DNAJC10: variants seen among roughly 807,000 people sequenced by gnomAD.
DNAJC10 encodes the protein endoplasmic reticulum disulfide reductase DNAJC10.
DNAJC10 carries 101 observed loss-of-function variants against 115.0 expected under a neutral mutation model. That is an observed-to-expected ratio of 0.88 (90% confidence interval 0.75 to 1.04). The LOEUF (loss-of-function observed/expected upper bound fraction) is 1.04. DNAJC10 is among the 50% of genes least tolerant of loss of function. The pLI is 0.00. For synonymous variants in DNAJC10, 307 were observed against 301.5 expected (o/e 1.02, Z -0.19); for missense variants, 981 against 928.8 (o/e 1.06, Z -0.73).
rs1475431107 is a variant in DNAJC10, at chr2:182,777,290, G to C, written c.*158G>C. On this transcript the variant is annotated 3_prime_UTR_variant, in exon 24 of 24. Transcript: ENST00000264065. ...TATCTACAGCACTGGTGTAAAAGAAGGGTCTGCAAACTTTTTCTGTAAAGG... is the reference window on the plus strand; with the variant it reads ...TATCTACAGCACTGGTGTAAAAGAACGGTCTGCAAACTTTTTCTGTAAAGG... The C allele has an allele frequency of 4.5e-6, 2 of 445,862 alleles. No homozygotes were observed. Among genetic ancestry groups the C allele is most frequent in the African/African-American group, 4.1e-5 (2 of 49,244 alleles). 27.6% of individuals were successfully genotyped at this position (445,862 alleles called of 1,614,324 possible). A position where few individuals can be genotyped will look rare whatever the true frequency, so the allele number is the denominator to read the frequency against.
chr2:182,755,408 G>C (rs542494912), intron 17 of DNAJC10, among the ~76,000 whole-genome samples: 3 of 145,638 alleles, frequency 2.1e-5, no homozygotes, highest in Non-Finnish European at 4.5e-5. Context: ...TGTTTTCTCT[G>C]AAAACAAGTG....
chr2:182,729,686 C>T, intron 7 of DNAJC10, 162 bp from the exon 8 acceptor site: 1 of 456,786 alleles, frequency 2.2e-6, no homozygotes, highest in Non-Finnish European at 3.9e-6. Context: ...TCTGTACTGT[C>T]AAGATTATCA....
Position 182,782,397 on chromosome 2 carries a change from G to GCA in DNAJC10, c.*5265_*5266insCA, listed in dbSNP as rs1694869578. On this transcript the variant is annotated 3_prime_UTR_variant, in exon 24 of 24. Coordinates refer to ENST00000264065, the MANE Select transcript of DNAJC10 (RefSeq NM_018981.4). The stretch of plus-strand genomic sequence containing the variant: ...TTGCTTAGGATTGCCTTGGCTATAT[G>GCA]GGCTCTTTTTTTTTTGGTTCCATAT... The GCA allele has an allele frequency of 1.3e-5, 2 of 151,766 alleles. No homozygotes were observed. Among genetic ancestry groups the GCA allele is most frequent in the African/African-American group, 4.8e-5 (2 of 41,358 alleles). 9.4% of individuals were successfully genotyped at this position (151,766 alleles called of 1,614,324 possible). A position where few individuals can be genotyped will look rare whatever the true frequency, so the allele number is the denominator to read the frequency against.
Position 182,785,510 on chromosome 2 carries a change from A to T in DNAJC10, c.*8378A>T, listed in dbSNP as rs1192943860. 1 of 152,132 alleles carries T rather than the reference A, an allele frequency of 6.6e-6. No individual in the cohort carries two copies. Among genetic ancestry groups the T allele is most frequent in the African/African-American group, 2.4e-5 (1 of 41,444 alleles). 9.4% of individuals were successfully genotyped at this position (152,132 alleles called of 1,614,324 possible). On this transcript the variant is annotated 3_prime_UTR_variant, in exon 24 of 24. Coordinates refer to ENST00000264065, the MANE Select transcript of DNAJC10 (RefSeq NM_018981.4). ...ATTATCCTAATTAACTCGTTTGTTA[A>T]GTGGAAAAAATATTTCAGTAGGTAG...
intron 14 of DNAJC10, 126 bp downstream of exon 14, chr2:182,743,838 T>C (rs776069179): frequency 2.2e-5 from 14 of 643,528 alleles, no homozygotes; most frequent in Non-Finnish European, 3.2e-5. Flanking sequence ...TCAGTAAATA[T>C]GAGGACAGAT....
At chr2:182,730,012 T>C in intron 8 of DNAJC10, 71 bp downstream of exon 8, 1 of 995,466 alleles carries the variant, frequency 1.0e-6, no homozygotes, top group Admixed American at 2.1e-5. Context: ...TTAATGGCAA[T>C]ATTAACATTT....
intron 22 of DNAJC10, among the ~76,000 whole-genome samples, chr2:182,771,774 G>C (rs1179557451): frequency 2.0e-5 from 3 of 151,994 alleles, no homozygotes. Context: ...CAAAAAACCA[G>C]CTCCTAGATT....
At chr2:182,764,618 A>G (rs1256105368) in intron 22 of DNAJC10, among the ~76,000 whole-genome samples, 4 of 152,274 alleles carry the variant, frequency 2.6e-5, no homozygotes, top group Non-Finnish European at 2.9e-5. Context: ...TTAATACTAT[A>G]AAAGGATTGA....
chr2:182,733,843 C>A (rs1289068009), intron 10 of DNAJC10, among the ~76,000 whole-genome samples: 1 of 147,688 alleles, frequency 6.8e-6, no homozygotes, highest in Non-Finnish European at 1.5e-5. Context: ...TCTACTTCCT[C>A]TATTTGGTAA....
At position 182,722,014 on chromosome 2, in the gene DNAJC10, T is replaced by G. The variant is rs1228150853; in HGVS notation, c.368-11T>G. On this transcript the variant is annotated splice_polypyrimidine_tract_variant and intron_variant, in intron 4 of 23. Coordinates refer to ENST00000264065, the MANE Select transcript of DNAJC10 (RefSeq NM_018981.4). The stretch of plus-strand genomic sequence containing the variant: ...TTTGATTTTATAATTTTTATATACT[T>G]TTAAAATTAGGTATTTATGATGATG... 6.9e-7 allele frequency: 1 copy of G among 1,442,174 alleles called. No individual in the cohort carries two copies. The highest frequency in any genetic ancestry group is 2.1e-5 in the Admixed American group (1 of 47,116). The allele number at this position is 1,442,174 out of a possible 1,614,324, so 89.3% of individuals were successfully genotyped here.
In DNAJC10 at chr2:182,791,476, A is replaced by G. The variant is rs1374129417; in HGVS notation, c.*14344A>G. 1.3e-5 allele frequency: 2 copies of G among 152,190 alleles called. No individual in the cohort carries two copies. Among genetic ancestry groups the G allele is most frequent in the African/African-American group, 4.8e-5 (2 of 41,456 alleles). The allele number at this position is 152,190 out of a possible 1,614,324, so 9.4% of individuals were successfully genotyped here. On this transcript the variant is annotated 3_prime_UTR_variant, in exon 24 of 24. Transcript: ENST00000264065. ...AAAACTTCAGCCCAGCTAGAAGTCA[A>G]CGTGTGTTTCTGAAACTATGCTGGG...
Position 182,784,711 on chromosome 2 carries a change from T to G in DNAJC10, c.*7579T>G, listed in dbSNP as rs1161051525. 1 of 152,184 alleles carries G rather than the reference T, an allele frequency of 6.6e-6. No individual in the cohort carries two copies. The highest frequency in any genetic ancestry group is 1.5e-5 in the Non-Finnish European group (1 of 68,032). 9.4% of individuals were successfully genotyped at this position (152,184 alleles called of 1,614,324 possible). A position where few individuals can be genotyped will look rare whatever the true frequency, so the allele number is the denominator to read the frequency against. On this transcript the variant is annotated 3_prime_UTR_variant, in exon 24 of 24. Transcript: ENST00000264065. The stretch of plus-strand genomic sequence containing the variant: ...GATATTATAGTAACCCTTTTAGATG[T>G]TAGTAACTTTTATTGTAAAATTTAA...
In DNAJC10 at chr2:182,762,741, C is replaced by T; in HGVS notation, c.2205C>T (p.Cys735=). 1 of 1,612,500 alleles carries T rather than the reference C, an allele frequency of 6.2e-7. No individual in the cohort carries two copies. Among genetic ancestry groups the T allele is most frequent in the Non-Finnish European group, 8.5e-7 (1 of 1,178,858 alleles). The stretch of plus-strand genomic sequence containing the variant: ...ACTGTCAGGCTTATGCTCAGACATG[C>T]CAGAAAGCTGGGATCAGGGCCTATC... ...KVDCQAYAQT[C]QKAGIRAYPT... Residue 735 remains cysteine, a synonymous_variant, in exon 22 of 24, where the codon TGC becomes TGT. Transcript: ENST00000264065.
rs955348761 is a variant in DNAJC10, at chr2:182,778,736, C to G, written c.*1604C>G. 1 of 152,194 alleles carries G rather than the reference C, an allele frequency of 6.6e-6. No individual in the cohort carries two copies. Among genetic ancestry groups the G allele is most frequent in the Admixed American group, 6.5e-5 (1 of 15,272 alleles). The allele number at this position is 152,194 out of a possible 1,614,324, so 9.4% of individuals were successfully genotyped here. ...CATATATGGAACAGTCACCACTTGT[C>G]ACACTTAACACCAGCTTTTTGAATT... On this transcript the variant is annotated 3_prime_UTR_variant, in exon 24 of 24. Transcript: ENST00000264065.
chr2:182,790,783 C>CT lies in DNAJC10; in HGVS notation c.*13652dup, dbSNP rs1467551669. Reference sequence around the variant, plus strand: ...CAGCCTGGGCAACAAGAGTGAAACTCTATCTCAAAAAAAAAAAAAAAAATT... The same window carrying CT: ...CAGCCTGGGCAACAAGAGTGAAACTCTTATCTCAAAAAAAAAAAAAAAAATT... On this transcript the variant is annotated 3_prime_UTR_variant, in exon 24 of 24. Coordinates refer to ENST00000264065, the MANE Select transcript of DNAJC10 (RefSeq NM_018981.4). 2.8e-5 allele frequency: 3 copies of CT among 107,254 alleles called. No individual in the cohort carries two copies. Among genetic ancestry groups the CT allele is most frequent in the Admixed American group, 2.7e-4 (3 of 10,990 alleles). 6.6% of individuals were successfully genotyped at this position (107,254 alleles called of 1,614,324 possible).
chr2:182,732,724 A>G, intron 10 of DNAJC10, 182 bp downstream of exon 10: 1 of 575,604 alleles, frequency 1.7e-6, no homozygotes, highest in African/African-American at 1.9e-5. Context: ...CGTTCAATAA[A>G]TTTTAACGTG....
intron 22 of DNAJC10, among the ~76,000 whole-genome samples, chr2:182,766,626 G>C (rs1694419891): frequency 6.6e-6 from 1 of 152,054 alleles, no homozygotes; most frequent in African/African-American, 2.4e-5. Flanking sequence ...ATACTCCAGG[G>C]AAGCAGAAAA....
At chr2:182,737,581 A>C (rs530752673) in intron 11 of DNAJC10, among the ~76,000 whole-genome samples, 1 of 152,302 alleles carries the variant, frequency 6.6e-6, no homozygotes, top group Admixed American at 6.5e-5. Flanking sequence ...TGTATTATAC[A>C]CATGCACCTA....
At chr2:182,776,151 A>G (rs551835614) in intron 23 of DNAJC10, among the ~76,000 whole-genome samples, 1 of 152,296 alleles carries the variant, frequency 6.6e-6, no homozygotes, top group South Asian at 2.1e-4. Context: ...AAAAAAAAAT[A>G]GTGACTGTGG....
Sources: gnomAD v4.1 joint callset for allele counts (sites outside exome capture counted in the v4.1 genomes callset) on GRCh38, gnomAD v4.1.1 for gene constraint, MANE v1.5 for transcripts, NCBI Gene and HGNC (gene_info 2026-07-23, HGNC 2026-07-21) for gene names.